SLCO1B1: variants seen among roughly 807,000 people sequenced by gnomAD.
SLCO1B1 encodes solute carrier organic anion transporter family member 1B1.
Under a neutral mutation model 70.1 loss-of-function variants are expected in SLCO1B1, and 81 were observed. The observed-to-expected ratio is 1.16, with a 90% confidence interval of 0.97 to 1.39. SLCO1B1 has a LOEUF of 1.39. Among genes scored for constraint, SLCO1B1 ranks in the 40% most tolerant of loss-of-function variants. The probability of loss-of-function intolerance (pLI) is 0.00; values close to 1 mark genes in which losing one functional copy is unlikely to be tolerated. For synonymous variants in SLCO1B1, 283 were observed against 271.5 expected, an observed-to-expected ratio of 1.04 and a Z score of -0.42; for missense variants, 895 against 799.6, an observed-to-expected ratio of 1.12 and a Z score of -1.44.
chr12:21,168,438 T>C (rs551949156), intron 2 of SLCO1B1, among the ~76,000 whole-genome samples: 31 of 152,334 alleles, frequency 2.0e-4, no homozygotes, highest in African/African-American at 7.0e-4. Context: ...TAATGGCTTG[T>C]ATGGTGATTC....
chr12:21,167,036 G>A (rs1013436813), intron 2 of SLCO1B1, among the ~76,000 whole-genome samples: 29 of 152,102 alleles, frequency 1.9e-4, no homozygotes, highest in South Asian at 8.3e-4. Context: ...GTAAAAGAAC[G>A]CAATATTAAA....
intron 7 of SLCO1B1, among the ~76,000 whole-genome samples, chr12:21,182,143 T>C (rs1940907631): frequency 6.6e-6 from 1 of 152,114 alleles, no homozygotes; most frequent in African/African-American, 2.4e-5. Context: ...GAGAGAAAGC[T>C]GGAAACCCAG....
At chr12:21,166,062 A>G (rs1429131359) in intron 2 of SLCO1B1, among the ~76,000 whole-genome samples, 1 of 152,140 alleles carries the variant, frequency 6.6e-6, no homozygotes, top group Non-Finnish European at 1.5e-5. Flanking sequence ...GGACACTATC[A>G]GGTGAACCAG....
intron 1 of SLCO1B1, among the ~76,000 whole-genome samples, chr12:21,136,047 A>G (rs1452071038): frequency 1.3e-5 from 2 of 151,364 alleles, no homozygotes; most frequent in Non-Finnish European, 3.0e-5. Flanking sequence ...CAAAATCAGC[A>G]TTTGCTTGTC....
At position 21,180,495 on chromosome 12, in the gene SLCO1B1, T is replaced by C. The variant is rs146395471; in HGVS notation, c.727+1475T>C. 7.4e-4 allele frequency among the ~76,000 whole-genome samples: 113 copies of C among 152,274 alleles called. 3 individuals are homozygous for C. In the South Asian group the frequency reaches 0.016, roughly 22 times the overall value. ...CTCTTTACCACATGACAGAATGGCA[T>C]GTTCTTAGCAAATAATAATTAGTTA... is the stretch of plus-strand genomic sequence containing the variant. On this transcript the variant is annotated intron_variant, in intron 7 of 14. Coordinates refer to ENST00000256958, the MANE Select transcript of SLCO1B1 (RefSeq NM_006446.5).
chr12:21,197,176 A>T lies in SLCO1B1; in HGVS notation c.958A>T (p.Lys320Ter), dbSNP rs776045515. 3.1e-6 allele frequency: 5 copies of T among 1,613,180 alleles called. No homozygotes were observed. The Admixed American group carries it at 8.3e-5, about 27-fold the overall frequency. ...NLTNQGKNITKNVTGFFQSFK... is the reference protein window; with the variant it reads ...NLTNQGKNIT ...GACCAATCAAGGAAAAAATATTACC[A>T]AAAATGTGACTGGTAAGTATTTAAC... The change falls in exon 8 of 15, where the codon AAA becomes TAA. Residue 320 changes from lysine (K) to a stop codon, truncating the protein, a stop_gained. Coordinates refer to ENST00000256958, the MANE Select transcript of SLCO1B1 (RefSeq NM_006446.5). LOFTEE classifies it high-confidence loss of function.
At chr12:21,149,080 T>C (rs965699599) in intron 2 of SLCO1B1, among the ~76,000 whole-genome samples, 12 of 152,198 alleles carry the variant, frequency 7.9e-5, no homozygotes, top group Non-Finnish European at 1.5e-4. Flanking sequence ...TTTTGTATCC[T>C]GAGACTTTGC....
chr12:21,217,360 G>T, intron 12 of SLCO1B1, 57 bp downstream of exon 12: 2 of 1,287,340 alleles, frequency 1.6e-6, no homozygotes, highest in Non-Finnish European at 1.1e-6. Flanking sequence ...CACACCTAAT[G>T]ATATGCATAT....
At chr12:21,225,764 G>C (rs1941476121) in intron 14 of SLCO1B1, among the ~76,000 whole-genome samples, 1 of 152,082 alleles carries the variant, frequency 6.6e-6, no homozygotes, top group African/African-American at 2.4e-5. Context: ...AAAACAACAG[G>C]AATTTCCTTT....
intron 11 of SLCO1B1, among the ~76,000 whole-genome samples, chr12:21,210,926 G>C (rs1398276328): frequency 6.6e-6 from 1 of 152,064 alleles, no homozygotes; most frequent in East Asian, 1.9e-4. Context: ...CTGAGACTTT[G>C]CTGAAGTTGC....
intron 13 of SLCO1B1, among the ~76,000 whole-genome samples, 189 bp from the exon 14 acceptor site, chr12:21,224,533 A>G (rs1239694546): frequency 6.6e-6 from 1 of 152,178 alleles, no homozygotes; most frequent in Non-Finnish European, 1.5e-5. Context: ...TGTCAATGAC[A>G]TTACTACATG....
chr12:21,227,098 C>G (rs896586455), intron 14 of SLCO1B1, among the ~76,000 whole-genome samples: 2 of 152,038 alleles, frequency 1.3e-5, no homozygotes, highest in African/African-American at 4.8e-5. Flanking sequence ...CTACAGATAA[C>G]TATACTCCCA....
At chr12:21,230,950 C>T (rs10841765) in intron 14 of SLCO1B1, among the ~76,000 whole-genome samples, 47,479 of 148,532 alleles carry the variant, frequency 0.32, 8,066 homozygotes, top group East Asian at 0.44. Flanking sequence ...TTAGGTATAT[C>T]TCTCAGTGCT....
intron 7 of SLCO1B1, among the ~76,000 whole-genome samples, chr12:21,186,416 G>A (rs558305032): frequency 1.7e-4 from 26 of 151,052 alleles, no homozygotes; most frequent in African/African-American, 2.9e-4. Context: ...AATAAATTGC[G>A]GATTGCAGCA....
At chr12:21,207,182 T>A (rs780815154) in intron 11 of SLCO1B1, among the ~76,000 whole-genome samples, 9 of 151,998 alleles carry the variant, frequency 5.9e-5, no homozygotes, top group Non-Finnish European at 1.0e-4. Flanking sequence ...AATGAATTTG[T>A]GTTAGATGGG....
intron 2 of SLCO1B1, among the ~76,000 whole-genome samples, chr12:21,169,231 A>G (rs1940729661): frequency 6.6e-6 from 1 of 151,916 alleles, no homozygotes; most frequent in Admixed American, 6.6e-5. Context: ...AGTTTTTTAG[A>G]TTTATCTTAT....
intron 7 of SLCO1B1, among the ~76,000 whole-genome samples, chr12:21,181,253 A>G (rs1405197580): frequency 6.6e-6 from 1 of 152,220 alleles, no homozygotes; most frequent in East Asian, 1.9e-4. Flanking sequence ...TAAGACTGTG[A>G]GTGAGCCAAG....
chr12:21,193,584 TA>T (rs1236681907), intron 7 of SLCO1B1, among the ~76,000 whole-genome samples: 1 of 152,200 alleles, frequency 6.6e-6, no homozygotes, highest in Non-Finnish European at 1.5e-5. Flanking sequence ...GACAGTTTTT[TA>T]CTTAAACTCT....
chr12:21,139,286 T>G (rs1198229798), intron 1 of SLCO1B1, among the ~76,000 whole-genome samples: 1 of 152,118 alleles, frequency 6.6e-6, no homozygotes, highest in Non-Finnish European at 1.5e-5. Context: ...AAAGGGCAGC[T>G]TATTACCTTG....
Sources: gnomAD v4.1 joint callset for allele counts (sites outside exome capture counted in the v4.1 genomes callset) on GRCh38, gnomAD v4.1.1 for gene constraint, MANE v1.5 for transcripts, NCBI Gene and HGNC (gene_info 2026-07-23, HGNC 2026-07-21) for gene names.